The following WWP2 variants were observed in gnomAD, a reference collection of about 807,000 sequenced individuals.
WWP2 encodes the protein NEDD4-like E3 ubiquitin-protein ligase WWP2.
WWP2 carries 57 observed loss-of-function variants against 121.0 expected under a neutral mutation model. The ratio of observed to expected loss-of-function variants is 0.47; its 90% CI spans 0.38 to 0.59. WWP2 has a LOEUF of 0.59. Ranked by LOEUF, WWP2 falls within the 20% of genes least tolerant of loss-of-function variation. The pLI, the probability that WWP2 is intolerant of heterozygous loss-of-function variation, is 0.00. For synonymous variants in WWP2, 449 were observed against 441.3 expected (o/e 1.02, Z -0.22); for missense variants, 962 against 1,158.9 (o/e 0.83, Z 2.47).
intron 4 of WWP2, among the ~76,000 whole-genome samples, chr16:69,833,582 C>CA (rs1474891753): frequency 6.6e-6 from 1 of 152,206 alleles, no homozygotes; most frequent in Non-Finnish European, 1.5e-5. Flanking sequence ...TGTCGACCTC[C>CA]ATAAAGTAGC....
chr16:69,797,245 C>T (rs1415158650), intron 2 of WWP2, among the ~76,000 whole-genome samples: 1 of 152,054 alleles, frequency 6.6e-6, no homozygotes, highest in African/African-American at 2.4e-5. Context: ...AGGCTATGAG[C>T]GGAAGAAGAA....
chr16:69,774,056 T>C (rs1262918551), intron 1 of WWP2, among the ~76,000 whole-genome samples: 2 of 151,726 alleles, frequency 1.3e-5, no homozygotes, highest in Admixed American at 1.3e-4. Flanking sequence ...TGTTTTTTTT[T>C]AATGCTCCCC....
intron 8 of WWP2, among the ~76,000 whole-genome samples, chr16:69,900,087 T>G (rs2058179424): frequency 6.6e-6 from 1 of 152,182 alleles, no homozygotes; most frequent in Non-Finnish European, 1.5e-5. Flanking sequence ...TGCTGTAATA[T>G]GACGTAACAG....
intron 7 of WWP2, among the ~76,000 whole-genome samples, chr16:69,880,650 T>TA (rs2057810715): frequency 1.3e-5 from 2 of 152,216 alleles, no homozygotes; most frequent in Non-Finnish European, 2.9e-5. Context: ...GCTTCACTCA[T>TA]CCCATGCCGT....
At chr16:69,929,406 C>T (rs371055630) in intron 11 of WWP2, 42 bp from the exon 12 acceptor site, 30 of 1,586,212 alleles carry the variant, frequency 1.9e-5, no homozygotes, top group African/African-American at 4.0e-5. Flanking sequence ...ACCGGCTCTC[C>T]GTGTTTGAAT....
intron 18 of WWP2, 132 bp downstream of exon 18, chr16:69,936,118 G>A (rs576068772): frequency 3.3e-5 from 49 of 1,466,796 alleles, no homozygotes; most frequent in Non-Finnish European, 4.2e-5. Context: ...ATAAGAGCTT[G>A]TGGAGAGGAA....
At chr16:69,883,769 G>A (rs1361301274) in intron 7 of WWP2, among the ~76,000 whole-genome samples, 2 of 151,952 alleles carry the variant, frequency 1.3e-5, no homozygotes, top group Non-Finnish European at 2.9e-5. Context: ...AGCTACTATG[G>A]GTGAACCAGG....
Position 69,787,027 on chromosome 16 carries a change from C to G in WWP2, c.17C>G (p.Ser6Cys), listed in dbSNP as rs752367875. 5 of 1,612,646 alleles carry G rather than the reference C, an allele frequency of 3.1e-6. No individual in the cohort carries two copies. Among genetic ancestry groups the G allele is most frequent in the East Asian group, 2.2e-5 (1 of 44,874 alleles). Residue 6 changes from serine (S) to cysteine (C), a missense_variant, in exon 2 of 24, where the codon TCT (serine) becomes TGT (cysteine). Physicochemically the swap from Ser to Cys is moderately radical, Grantham distance 112 (BLOSUM62 -1). This residue lies in a region of WWP2 where 145 missense variants were observed against 189.8 expected (regional missense o/e 0.76). Transcript: ENST00000359154. MASAS[S>C]SRAGVALPFE... ...GGTGATGATATGGCATCTGCCAGCT[C>G]TAGCCGGGCAGGAGTGGCCCTGCCT...
intron 4 of WWP2, among the ~76,000 whole-genome samples, chr16:69,814,309 C>T (rs886603758): frequency 5.9e-5 from 9 of 152,008 alleles, no homozygotes; most frequent in African/African-American, 4.8e-5. Flanking sequence ...TACAGGCATG[C>T]GGTCCTGTGC....
intron 8 of WWP2, among the ~76,000 whole-genome samples, chr16:69,900,323 A>G (rs2058183304): frequency 6.6e-6 from 1 of 152,122 alleles, no homozygotes; most frequent in Non-Finnish European, 1.5e-5. Flanking sequence ...TATCTGCAAA[A>G]ATGTTAAAAA....
intron 8 of WWP2, among the ~76,000 whole-genome samples, chr16:69,896,020 T>A (rs1237064676): frequency 6.6e-6 from 1 of 152,228 alleles, no homozygotes; most frequent in African/African-American, 2.4e-5. Context: ...ACTTAAACTC[T>A]TATTTCCAAA....
chr16:69,900,200 C>T (rs994847356), intron 8 of WWP2, among the ~76,000 whole-genome samples: 24 of 152,150 alleles, frequency 1.6e-4, no homozygotes, highest in Admixed American at 2.6e-4. Flanking sequence ...AATAATTAAA[C>T]GGTATTCACA....
chr16:69,868,561 G>A (rs2057570723), intron 6 of WWP2, among the ~76,000 whole-genome samples: 1 of 152,124 alleles, frequency 6.6e-6, no homozygotes, highest in South Asian at 2.1e-4. Context: ...TTCCAAATCA[G>A]AGAGGCTTTT....
intron 6 of WWP2, among the ~76,000 whole-genome samples, chr16:69,844,015 G>A (rs1255583627): frequency 1.3e-5 from 2 of 152,182 alleles, no homozygotes; most frequent in African/African-American, 2.4e-5. Context: ...TGTTTTGTGG[G>A]CTTATGAGGT....
At chr16:69,811,967 T>G (rs1335709818) in intron 4 of WWP2, among the ~76,000 whole-genome samples, 2 of 152,108 alleles carry the variant, frequency 1.3e-5, no homozygotes, top group African/African-American at 4.8e-5. Context: ...ACAGTACAAT[T>G]AACAAAACTA....
intron 8 of WWP2, among the ~76,000 whole-genome samples, chr16:69,907,256 A>C (rs150973729): frequency 2.4e-4 from 37 of 152,302 alleles, no homozygotes; most frequent in Non-Finnish European, 8.8e-5. Context: ...GGTTTTGTGC[A>C]TTCTTGTGTA....
intron 6 of WWP2, among the ~76,000 whole-genome samples, chr16:69,863,626 G>A (rs1410054632): frequency 1.3e-5 from 2 of 152,188 alleles, no homozygotes; most frequent in Non-Finnish European, 2.9e-5. Flanking sequence ...GGGTGAAAGA[G>A]TGAAACTCCG....
intron 9 of WWP2, among the ~76,000 whole-genome samples, chr16:69,914,980 C>A (rs2058458213): frequency 6.6e-6 from 1 of 152,154 alleles, no homozygotes; most frequent in African/African-American, 2.4e-5. Context: ...GGGAACTTAA[C>A]CCCGAGGCCA....
chr16:69,791,493 G>A (rs1353714530), intron 2 of WWP2, among the ~76,000 whole-genome samples: 1 of 152,136 alleles, frequency 6.6e-6, no homozygotes, highest in Non-Finnish European at 1.5e-5. Flanking sequence ...CTGCCAAAGT[G>A]CTGGGATTAC....
Sources: gnomAD v4.1 joint callset for allele counts (sites outside exome capture counted in the v4.1 genomes callset) on GRCh38, gnomAD v4.1.1 for gene constraint, gnomAD v4.1.1 regional missense constraint, MANE v1.5 for transcripts, NCBI Gene and HGNC (gene_info 2026-07-23, HGNC 2026-07-21) for gene names.